Variants in ATP2B1 observed in about 807,000 individuals in gnomAD.
The protein encoded by ATP2B1 is ATPase plasma membrane Ca2+ transporting 1, also known as plasma membrane calcium-transporting ATPase 1.
Under a neutral mutation model 124.2 loss-of-function variants are expected in ATP2B1, and 14 were observed. That is an observed-to-expected ratio of 0.11 (90% CI 0.07 to 0.18). The LOEUF (loss-of-function observed/expected upper bound fraction) is 0.18. Ranked by LOEUF, ATP2B1 falls within the 10% of genes least tolerant of loss-of-function variation. ATP2B1 has a pLI of 1.00. For missense variants in ATP2B1, 763 were observed against 1,466.1 expected (o/e 0.52, Z 7.83); for synonymous variants, 449 against 492.4 (o/e 0.91, Z 1.17).
intron 1 of ATP2B1, among the ~76,000 whole-genome samples, chr12:89,681,610 C>A (rs1889363402): frequency 6.6e-6 from 1 of 151,968 alleles, no homozygotes; most frequent in Non-Finnish European, 1.5e-5. Context: ...AAAATTTAGA[C>A]CAACATTACT....
upstream of ATP2B1, chr12:89,709,059 C>T (rs1343918148): frequency 6.6e-6 from 1 of 151,176 alleles, no homozygotes; most frequent in East Asian, 1.9e-4. Context: ...CAGCCACCTC[C>T]GTGAGCGCCG....
intron 3 of ATP2B1, among the ~76,000 whole-genome samples, chr12:89,639,071 AAT>A (rs1231987618): frequency 6.6e-6 from 1 of 152,230 alleles, no homozygotes; most frequent in Non-Finnish European, 1.5e-5. Context: ...CACATCAAGT[AAT>A]ATTAGGAAGA....
At chr12:89,609,880 A>AAACAAACAAACC in intron 15 of ATP2B1, 57 bp downstream of exon 15, 1 of 1,516,006 alleles carries the variant, frequency 6.6e-7, no homozygotes, top group East Asian at 2.3e-5. Context: ...ACAAACAAAC[A>AAACAAACAAACC]AACAAACAAA....
intron 11 of ATP2B1, among the ~76,000 whole-genome samples, chr12:89,617,404 A>G (rs1326945078): frequency 1.3e-5 from 2 of 152,188 alleles, no homozygotes; most frequent in Non-Finnish European, 2.9e-5. Flanking sequence ...AATAATACCA[A>G]AATCACAAAT....
intron 1 of ATP2B1, among the ~76,000 whole-genome samples, chr12:89,696,294 A>T (rs142725037): frequency 2.6e-5 from 4 of 152,244 alleles, no homozygotes; most frequent in African/African-American, 9.6e-5. Context: ...AATTTTAGTC[A>T]TAAGACCACA....
chr12:89,599,818 A>G (rs964189566), intron 19 of ATP2B1, among the ~76,000 whole-genome samples: 1 of 152,202 alleles, frequency 6.6e-6, no homozygotes, highest in Non-Finnish European at 1.5e-5. Context: ...GTACTGATTG[A>G]TGACGCCAAA....
At chr12:89,685,999 T>C (rs547951785) in intron 1 of ATP2B1, among the ~76,000 whole-genome samples, 1 of 152,230 alleles carries the variant, frequency 6.6e-6, no homozygotes, top group African/African-American at 2.4e-5. Flanking sequence ...AGAAAATAAA[T>C]TTCTGTTGTT....
intron 1 of ATP2B1, among the ~76,000 whole-genome samples, chr12:89,695,354 C>T (rs1018210778): frequency 1.3e-5 from 2 of 152,064 alleles, no homozygotes; most frequent in African/African-American, 4.8e-5. Flanking sequence ...CTCTACATAA[C>T]AGTCTCTCCT....
intron 1 of ATP2B1, among the ~76,000 whole-genome samples, chr12:89,697,950 A>G (rs911569628): frequency 1.3e-5 from 2 of 152,012 alleles, no homozygotes; most frequent in African/African-American, 4.8e-5. Context: ...ATCTCAGCTC[A>G]CTACCTCCGC....
At chr12:89,707,201 G>A (rs568358320) in intron 1 of ATP2B1, among the ~76,000 whole-genome samples, 1 of 152,256 alleles carries the variant, frequency 6.6e-6, no homozygotes, top group African/African-American at 2.4e-5. Context: ...CGGGAAGGCT[G>A]GCATCGGGGC....
chr12:89,678,377 G>A (rs1175662740), intron 1 of ATP2B1, among the ~76,000 whole-genome samples: 9 of 151,996 alleles, frequency 5.9e-5, no homozygotes, highest in Admixed American at 5.9e-4. Flanking sequence ...ACATTCAGAG[G>A]TGCTCAATGA....
At position 89,621,780 on chromosome 12, in the gene ATP2B1, T is replaced by A; in HGVS notation, c.1356A>T (p.Lys452Asn). 1 of 1,545,342 alleles carries A rather than the reference T, an allele frequency of 6.5e-7. No individual in the cohort carries two copies. Among genetic ancestry groups the A allele is most frequent in the Non-Finnish European group, 8.7e-7 (1 of 1,153,522 alleles). The change falls in exon 10 of 21, where the codon AAA becomes AAT. Residue 452 changes from lysine (K) to asparagine (N), a missense_variant. This residue lies in a region of ATP2B1 where 392 missense variants were observed against 776.6 expected (regional missense o/e 0.50). Transcript: ENST00000428670. ...CCAGATGCCTTACTAAGTTATTATC[T>A]TTCATCATTTTCTACAGTGACCAAA... ...SLAYSVKKMM[K>N]DNNLVRHLDA...
In ATP2B1 at chr12:89,634,953, T is replaced by C. The variant is rs769244865; in HGVS notation, c.661+44A>G. 7 of 1,610,464 alleles carry C rather than the reference T, an allele frequency of 4.3e-6. No individual in the cohort carries two copies. In the South Asian group the frequency reaches 6.6e-5, roughly 15 times the overall value. On this transcript the variant is annotated intron_variant, in intron 4 of 20. Transcript: ENST00000428670. ...AAACTTATAAACAAGATTACAGTAATTTTATGTTTAGTGTCAGATGTACTG... is the reference window on the plus strand; with the variant it reads ...AAACTTATAAACAAGATTACAGTAACTTTATGTTTAGTGTCAGATGTACTG...
Position 89,677,967 on chromosome 12 carries a change from TATATACACACACACAC to T in ATP2B1, c.-221-21876_-221-21861del, listed in dbSNP as rs1189168116. Among the ~76,000 whole-genome samples the T allele has an allele frequency of 3.2e-3, 175 of 54,536 alleles. 10 individuals are homozygous for T. Among genetic ancestry groups the T allele is most frequent in the Admixed American group, 0.011 (58 of 5,114 alleles). The allele number at this position is 54,536 out of a possible 152,430, so 35.8% of individuals were successfully genotyped here. On this transcript the variant is annotated intron_variant, in intron 1 of 20. Coordinates refer to ENST00000428670, the MANE Select transcript of ATP2B1 (RefSeq NM_001366521.1). ...GGCATGCAGGAATTATATATATATA[TATATACACACACACAC>T]ACACACACACACACACACACACACA... is the stretch of plus-strand genomic sequence containing the variant.
At chr12:89,707,000 G>A (rs1892531718) in intron 1 of ATP2B1, among the ~76,000 whole-genome samples, 1 of 128,804 alleles carries the variant, frequency 7.8e-6, no homozygotes, top group African/African-American at 2.8e-5. Context: ...TCATATACTA[G>A]CTATCAAAGG....
intron 20 of ATP2B1, chr12:89,594,716 A>G (rs1400731953): frequency 6.6e-6 from 1 of 151,966 alleles, no homozygotes; most frequent in Non-Finnish European, 1.5e-5. Context: ...TATATGAAAT[A>G]TAACAAATCC....
chr12:89,655,758 T>G lies in ATP2B1; in HGVS notation c.129A>C (p.Thr43=), dbSNP rs1885882079. 1 of 1,614,092 alleles carries G rather than the reference T, an allele frequency of 6.2e-7. No homozygotes were observed. Among genetic ancestry groups the G allele is most frequent in the East Asian group, 2.2e-5 (1 of 44,900 alleles). ...TTTCCTGTATTTTTCGTAATGCATC[T>G]GTGGACCTGAGCTCCATGAGAGCCC... is the stretch of plus-strand genomic sequence containing the variant. ...ELRALMELRS[T]DALRKIQESY... Residue 43 remains threonine (T), a synonymous_variant, in exon 2 of 21, where the codon ACA becomes ACC. Coordinates refer to ENST00000428670, the MANE Select transcript of ATP2B1 (RefSeq NM_001366521.1).
At position 89,655,782 on chromosome 12, in the gene ATP2B1, C is replaced by T. The variant is rs1229473407; in HGVS notation, c.105G>A (p.Arg35=). 1 of 1,613,962 alleles carries T rather than the reference C, an allele frequency of 6.2e-7. No individual in the cohort carries two copies. Among genetic ancestry groups the T allele is most frequent in the Non-Finnish European group, 8.5e-7 (1 of 1,179,982 alleles). Residue 35 remains arginine, a synonymous_variant, in exon 2 of 21, where the codon CGG becomes CGA. Coordinates refer to ENST00000428670, the MANE Select transcript of ATP2B1 (RefSeq NM_001366521.1). ...CTGTGGACCTGAGCTCCATGAGAGC[C>T]CGCAGCTCTGCGAGCGTAATTCCAA... The part of the protein sequence containing the change: ...GDFGITLAEL[R]ALMELRSTDA...
chr12:89,629,275 A>G lies in ATP2B1; in HGVS notation c.928+1230T>C, dbSNP rs144252561. Among the ~76,000 whole-genome samples the G allele has an allele frequency of 2.4e-3, 358 of 152,324 alleles. 3 individuals carry two copies. The highest frequency in any genetic ancestry group is 8.1e-3 in the East Asian group (42 of 5,186). The stretch of plus-strand genomic sequence containing the variant: ...CTAGCACTTTGATCTAGAGCAAATT[A>G]TATAATCTCCGTAAGCCTCAGTTTA... On this transcript the variant is annotated intron_variant, in intron 6 of 20. Transcript: ENST00000428670.
Sources: gnomAD v4.1 joint callset for allele counts (sites outside exome capture counted in the v4.1 genomes callset) on GRCh38, gnomAD v4.1.1 for gene constraint, gnomAD v4.1.1 regional missense constraint, MANE v1.5 for transcripts, NCBI Gene and HGNC (gene_info 2026-07-23, HGNC 2026-07-21) for gene names.